Variants in ETS1 observed in about 807,000 individuals in gnomAD.
ETS1 encodes ETS proto-oncogene 1, transcription factor, also known as protein C-ets-1.
A neutral mutation model predicts 58.6 loss-of-function variants in ETS1; 15 were observed. The observed-to-expected ratio is 0.26, with a 90% CI of 0.17 to 0.39. The LOEUF is 0.39. Ranked by LOEUF, ETS1 falls within the 10% of genes least tolerant of loss-of-function variation. The pLI is 1.00. For synonymous variants in ETS1, 214 were observed against 218.2 expected (o/e 0.98, Z 0.17); for missense variants, 417 against 610.5 (o/e 0.68, Z 3.34).
intron 8 of ETS1, among the ~76,000 whole-genome samples, chr11:128,477,457 G>A (rs147959705): frequency 6.6e-6 from 1 of 152,292 alleles, no homozygotes; most frequent in East Asian, 1.9e-4. Context: ...TCTAGTGACT[G>A]CCTCAGGTGG....
chr11:128,571,510 A>AGCCTGGACG (rs1864632142), intron 2 of ETS1, among the ~76,000 whole-genome samples: 1 of 5,138 alleles, frequency 1.9e-4, no homozygotes, highest in African/African-American at 1.5e-3. Flanking sequence ...TCAAAAAAAA[A>AGCCTGGACG]AAAAAAAAAA....
rs1265771505 is a variant in ETS1 at position 128,460,118 on chromosome 11, C to G, written c.*2243G>C. The stretch of plus-strand genomic sequence containing the variant: ...CACACACACACACACACACACACAA[C>G]ATTCACACACATGCACACATTCACA... On this transcript the variant is annotated 3_prime_UTR_variant, in exon 10 of 10. Coordinates refer to ENST00000392668, the MANE Select transcript of ETS1 (RefSeq NM_001143820.2). The G allele has an allele frequency of 1.3e-5, 2 of 150,130 alleles. No homozygotes were observed. The highest frequency in any genetic ancestry group is 3.9e-4 in the East Asian group (2 of 5,152). The allele number at this position is 150,130 out of a possible 1,614,324, so 9.3% of individuals were successfully genotyped here.
intron 2 of ETS1, among the ~76,000 whole-genome samples, chr11:128,569,318 C>CTTTTTTCTTTTTTTTTTT (rs1864575323): frequency 2.5e-5 from 1 of 39,464 alleles, no homozygotes; most frequent in African/African-American, 1.1e-4. Context: ...AGAGTTTCTT[C>CTTTTTTCTTTTTTTTTTT]TTTTTTTTTT....
chr11:128,500,033 G>A (rs764518641), intron 3 of ETS1, among the ~76,000 whole-genome samples: 22 of 152,324 alleles, frequency 1.4e-4, no homozygotes, highest in Middle Eastern at 3.4e-3. Context: ...GCCTCTTCCA[G>A]TGAGGGCTTC....
chr11:128,585,332 C>T (rs67904832), intron 1 of ETS1, among the ~76,000 whole-genome samples: 1 of 137,218 alleles, frequency 7.3e-6, no homozygotes, highest in African/African-American at 2.8e-5. Context: ...AGGAAGGAAG[C>T]AAGGAAGGAA....
At chr11:128,479,866 G>C (rs1183333300) in intron 8 of ETS1, among the ~76,000 whole-genome samples, 1 of 151,828 alleles carries the variant, frequency 6.6e-6, no homozygotes, top group East Asian at 1.9e-4. Flanking sequence ...CCTGATGCCA[G>C]GCCACTAGAT....
chr11:128,471,030 A>G (rs953527765), intron 8 of ETS1, among the ~76,000 whole-genome samples: 3 of 152,168 alleles, frequency 2.0e-5, no homozygotes, highest in African/African-American at 7.2e-5. Context: ...TTCCCGATGC[A>G]CCTTTTTCCT....
At chr11:128,501,545 C>T (rs1046242827) in intron 3 of ETS1, among the ~76,000 whole-genome samples, 6 of 152,304 alleles carry the variant, frequency 3.9e-5, no homozygotes, top group Non-Finnish European at 7.4e-5. Context: ...TCCTATTAGC[C>T]ATCATTCTCA....
intron 3 of ETS1, among the ~76,000 whole-genome samples, chr11:128,545,613 T>A (rs1453267747): frequency 6.6e-6 from 1 of 152,328 alleles, no homozygotes; most frequent in Non-Finnish European, 1.5e-5. Context: ...ACTGTACCTC[T>A]CAAGCAGCTC....
intron 3 of ETS1, among the ~76,000 whole-genome samples, chr11:128,537,395 C>T (rs904208377): frequency 6.6e-6 from 1 of 152,088 alleles, no homozygotes; most frequent in Non-Finnish European, 1.5e-5. Flanking sequence ...CACTCAGAGT[C>T]GGAATAAGCA....
At chr11:128,544,403 C>T (rs1226392598) in intron 3 of ETS1, among the ~76,000 whole-genome samples, 1 of 144,560 alleles carries the variant, frequency 6.9e-6, no homozygotes, top group Non-Finnish European at 1.5e-5. Context: ...GTTAGTAGGG[C>T]TGAGAGATGC....
At chr11:128,520,206 G>A (rs532843101) in intron 3 of ETS1, among the ~76,000 whole-genome samples, 24 of 152,208 alleles carry the variant, frequency 1.6e-4, no homozygotes, top group Admixed American at 7.2e-4. Flanking sequence ...CTGAAATGAC[G>A]GCACCATATA....
chr11:128,571,745 T>C (rs1239880064), intron 2 of ETS1: 1 of 151,864 alleles, frequency 6.6e-6, no homozygotes, highest in African/African-American at 2.4e-5. Context: ...AATAATAATA[T>C]AATAAACTTA....
At chr11:128,524,053 T>A (rs1257236888) in intron 3 of ETS1, among the ~76,000 whole-genome samples, 1 of 152,252 alleles carries the variant, frequency 6.6e-6, no homozygotes, top group Non-Finnish European at 1.5e-5. Context: ...TGGCATTTTT[T>A]AATCCAAGTG....
At chr11:128,485,676 G>A (rs1050379079) in intron 6 of ETS1, among the ~76,000 whole-genome samples, 4 of 152,176 alleles carry the variant, frequency 2.6e-5, no homozygotes, top group Non-Finnish European at 4.4e-5. Flanking sequence ...AAGGATTTTG[G>A]AGGAAATGCT....
chr11:128,547,935 A>G (rs1024625609), intron 3 of ETS1, among the ~76,000 whole-genome samples: 9 of 151,872 alleles, frequency 5.9e-5, no homozygotes, highest in Admixed American at 2.0e-4. Context: ...TGGGAAGGTG[A>G]TTTTTCTCAG....
intron 7 of ETS1, 86 bp downstream of exon 7, chr11:128,484,737 A>G: frequency 8.8e-7 from 1 of 1,137,252 alleles, no homozygotes; most frequent in Non-Finnish European, 1.2e-6. Flanking sequence ...AATAAATAAG[A>G]AAAAAAAAAT....
At chr11:128,496,746 G>T (rs1170722483) in intron 3 of ETS1, among the ~76,000 whole-genome samples, 2 of 152,168 alleles carry the variant, frequency 1.3e-5, no homozygotes, top group East Asian at 1.9e-4. Context: ...AGAAGGGAGT[G>T]GTAAGTGATT....
chr11:128,522,157 G>T (rs1013938587), intron 3 of ETS1: 1 of 1,308,238 alleles, frequency 7.6e-7, no homozygotes, highest in East Asian at 3.2e-5. Context: ...GCGCCCGGAC[G>T]GTGCGCGCCC....
Sources: gnomAD v4.1 joint callset for allele counts (sites outside exome capture counted in the v4.1 genomes callset) on GRCh38, gnomAD v4.1.1 for gene constraint, MANE v1.5 for transcripts, NCBI Gene and HGNC (gene_info 2026-07-23, HGNC 2026-07-21) for gene names.